GALNT2: variants seen among roughly 807,000 people sequenced by gnomAD.
The protein encoded by GALNT2 is polypeptide N-acetylgalactosaminyltransferase 2, also known as UDP-GalNAc:polypeptide N-acetylgalactosaminyltransferase 2.
A neutral mutation model predicts 81.4 loss-of-function variants in GALNT2; 31 were observed. That is an observed-to-expected ratio of 0.38 (90% confidence interval 0.29 to 0.51). The LOEUF is 0.51. GALNT2 is among the 20% of genes least tolerant of loss of function. The pLI is 0.87. For missense variants in GALNT2, 629 were observed against 765.7 expected (o/e 0.82, Z 2.11); for synonymous variants, 303 against 287.4 (o/e 1.05, Z -0.55).
intron 1 of GALNT2, among the ~76,000 whole-genome samples, chr1:230,146,230 T>C (rs1177372028): frequency 1.3e-5 from 2 of 152,232 alleles, no homozygotes; most frequent in Non-Finnish European, 2.9e-5. Flanking sequence ...TCCCTTTTCA[T>C]GTATCTCGTT....
In GALNT2 at chr1:230,235,645, G is replaced by A. The variant is rs186957419; in HGVS notation, c.375-369G>A. Among the ~76,000 whole-genome samples, 5 of 152,312 alleles carry A rather than the reference G, an allele frequency of 3.3e-5. No individual in the cohort carries two copies. In the East Asian group the frequency reaches 9.7e-4, roughly 29 times the overall value. ...AGAAAAGAGCAGTGGCGCACAGTTG[G>A]TTCTGCCCTTCGGAAATTACGACTG... On this transcript the variant is annotated intron_variant, in intron 3 of 15. Transcript: ENST00000366672.
chr1:230,222,041 T>TTTTTTTTTTTTTTTTTTTTTG (rs1664565091), intron 3 of GALNT2, among the ~76,000 whole-genome samples: 1 of 138,024 alleles, frequency 7.2e-6, no homozygotes, highest in African/African-American at 2.9e-5. Context: ...CTTTTTTTTT[T>TTTTTTTTTTTTTTTTTTTTTG]TTTGAGACAG....
chr1:230,206,071 A>T (rs1664049314), intron 3 of GALNT2, among the ~76,000 whole-genome samples: 1 of 152,054 alleles, frequency 6.6e-6, no homozygotes, highest in Admixed American at 6.6e-5. Flanking sequence ...TTGGCATGAC[A>T]TCTCCATGAG....
In GALNT2 at chr1:230,279,929, C is replaced by T. The variant is rs1449442497; in HGVS notation, c.*471C>T. The T allele has an allele frequency of 2.2e-6, 1 of 456,690 alleles. No individual in the cohort carries two copies. Among genetic ancestry groups the T allele is most frequent in the Admixed American group, 2.3e-5 (1 of 42,592 alleles). 28.3% of individuals were successfully genotyped at this position (456,690 alleles called of 1,614,324 possible). On this transcript the variant is annotated 3_prime_UTR_variant, in exon 16 of 16. Transcript: ENST00000366672. This position sits in a 1 kb window ranked among gnomAD's most constrained non-coding sequence, Gnocchi z 4.6. ...GTTTCCACAAAGCCGAGTCGTGTCA[C>T]GTGGCAGGTTTACGTCAATAGTCCC...
intron 1 of GALNT2, among the ~76,000 whole-genome samples, chr1:230,106,676 C>T (rs1168972152): frequency 2.0e-5 from 3 of 152,220 alleles, no homozygotes; most frequent in African/African-American, 7.2e-5. Context: ...TTGGCCTCTC[C>T]TGTCATTAGC....
chr1:230,120,316 C>T (rs1340041638), intron 1 of GALNT2, among the ~76,000 whole-genome samples: 6 of 145,960 alleles, frequency 4.1e-5, no homozygotes, highest in African/African-American at 1.0e-4. Context: ...GGGTCCAGGA[C>T]GTGCCTATCA....
chr1:230,184,479 G>A (rs1008899231), intron 2 of GALNT2, among the ~76,000 whole-genome samples: 3 of 151,790 alleles, frequency 2.0e-5, no homozygotes, highest in Non-Finnish European at 4.4e-5. Context: ...GTGAGCCACC[G>A]CGCCTGGCCT....
intron 1 of GALNT2, among the ~76,000 whole-genome samples, chr1:230,071,848 G>A (rs954171409): frequency 6.6e-6 from 1 of 152,230 alleles, no homozygotes; most frequent in African/African-American, 2.4e-5. Flanking sequence ...CTGGAGTGAA[G>A]CTGTGGCTGC....
At chr1:230,144,440 C>T (rs1020430397) in intron 1 of GALNT2, among the ~76,000 whole-genome samples, 3 of 152,166 alleles carry the variant, frequency 2.0e-5, no homozygotes, top group South Asian at 2.1e-4. Flanking sequence ...TCAGAGTAGC[C>T]GGTGCCTGCA....
intron 1 of GALNT2, among the ~76,000 whole-genome samples, chr1:230,161,680 C>T (rs1662442494): frequency 6.6e-6 from 1 of 152,152 alleles, no homozygotes; most frequent in Admixed American, 6.6e-5. Context: ...ACCATTGTGC[C>T]TTTGGCGGGT....
chr1:230,106,339 T>A (rs1366825584), intron 1 of GALNT2, among the ~76,000 whole-genome samples: 1 of 152,180 alleles, frequency 6.6e-6, no homozygotes, highest in African/African-American at 2.4e-5. Context: ...ACAGGCTTAG[T>A]GCCTGCTTCC....
chr1:230,071,630 A>C (rs1331043437), intron 1 of GALNT2, among the ~76,000 whole-genome samples: 1 of 151,998 alleles, frequency 6.6e-6, no homozygotes, highest in Non-Finnish European at 1.5e-5. Context: ...AAAATCTGTG[A>C]GCATCTTGGT....
chr1:230,250,638 T>A lies in GALNT2; in HGVS notation c.1009+78T>A, dbSNP rs1208528992. The A allele has an allele frequency of 9.1e-6, 9 of 989,416 alleles. No individual in the cohort carries two copies. In the African/African-American group the frequency reaches 9.8e-5, roughly 11 times the overall value. The allele number at this position is 989,416 out of a possible 1,614,324, so 61.3% of individuals were successfully genotyped here. A position where few individuals can be genotyped will look rare whatever the true frequency, so the allele number is the denominator to read the frequency against. On this transcript the variant is annotated intron_variant, in intron 10 of 15. Transcript: ENST00000366672. Reference sequence around the variant, plus strand: ...GGCAGGGTGCCAATTGGAAAAAAAATTTAAAAGGCTTCAGAGTGACCATTC... The same window carrying A: ...GGCAGGGTGCCAATTGGAAAAAAAAATTAAAAGGCTTCAGAGTGACCATTC...
At chr1:230,235,906 A>G in intron 3 of GALNT2, 108 bp from the exon 4 acceptor site, 1 of 886,270 alleles carries the variant, frequency 1.1e-6, no homozygotes, top group South Asian at 1.6e-5. Context: ...CAAGTTAATC[A>G]TAGCATGTCC....
intron 1 of GALNT2, among the ~76,000 whole-genome samples, chr1:230,111,165 AGCACACAT>A (rs945576850): frequency 3.9e-5 from 6 of 152,380 alleles, no homozygotes; most frequent in Non-Finnish European, 8.8e-5. Context: ...ACATGTACAC[AGCACACAT>A]GCACACATGC....
chr1:230,191,046 A>T (rs1663507693), intron 2 of GALNT2, among the ~76,000 whole-genome samples: 1 of 152,224 alleles, frequency 6.6e-6, no homozygotes, highest in African/African-American at 2.4e-5. Context: ...AACATTAAAA[A>T]ATCTTCATTG....
At chr1:230,276,753 T>C (rs575637803) in intron 15 of GALNT2, among the ~76,000 whole-genome samples, 1 of 152,332 alleles carries the variant, frequency 6.6e-6, no homozygotes, top group African/African-American at 2.4e-5. Flanking sequence ...GTTGATGACT[T>C]GATACCAAAA....
At chr1:230,116,678 A>G (rs1293091161) in intron 1 of GALNT2, among the ~76,000 whole-genome samples, 2 of 152,202 alleles carry the variant, frequency 1.3e-5, no homozygotes, top group African/African-American at 2.4e-5. Context: ...GTGTGTCATC[A>G]GTGATCAGTA....
rs770439450 is a variant in GALNT2, at chr1:230,246,042, A to G, written c.730-21A>G. ...TTGTTTTGCTGGGATTTTGATAACTACTCCTCTCTTTGTATTTTAGGACAG... is the reference window on the plus strand; with the variant it reads ...TTGTTTTGCTGGGATTTTGATAACTGCTCCTCTCTTTGTATTTTAGGACAG... On this transcript the variant is annotated intron_variant, in intron 7 of 15. Coordinates refer to ENST00000366672, the MANE Select transcript of GALNT2 (RefSeq NM_004481.5). The G allele has an allele frequency of 5.0e-6, 8 of 1,592,372 alleles. No homozygotes were observed. In the African/African-American group the frequency reaches 8.1e-5, roughly 16 times the overall value.
Sources: gnomAD v4.1 joint callset for allele counts (sites outside exome capture counted in the v4.1 genomes callset) on GRCh38, gnomAD v4.1.1 for gene constraint, Gnocchi (gnomAD v3.1) non-coding constraint, MANE v1.5 for transcripts, NCBI Gene and HGNC (gene_info 2026-07-23, HGNC 2026-07-21) for gene names.